Variants in GRAMD1B observed in about 807,000 individuals in gnomAD.
GRAMD1B encodes the protein GRAM domain containing 1B.
Under a neutral mutation model 99.7 loss-of-function variants are expected in GRAMD1B, and 37 were observed. The observed-to-expected ratio is 0.37, with a 90% confidence interval of 0.29 to 0.49. The LOEUF (loss-of-function observed/expected upper bound fraction) is 0.49, where lower values mean the gene tolerates loss of function less well. Ranked by LOEUF, GRAMD1B falls within the 20% of genes least tolerant of loss-of-function variation. The probability of loss-of-function intolerance (pLI) is 0.98; values close to 1 mark genes in which losing one functional copy is unlikely to be tolerated. For synonymous variants in GRAMD1B, 427 were observed against 387.6 expected, an observed-to-expected ratio of 1.10 and a Z score of -1.19; for missense variants, 888 against 1,009.2, an observed-to-expected ratio of 0.88 and a Z score of 1.63.
In GRAMD1B at chr11:123,462,891, TA is replaced by T. The variant is rs1022451957; in HGVS notation, c.375-17904del. Among the ~76,000 whole-genome samples the T allele has an allele frequency of 2.1e-3, 238 of 111,420 alleles. 2 individuals carry two copies. The highest frequency in any genetic ancestry group is 5.4e-3 in the Admixed American group (61 of 11,364). The allele number at this position is 111,420 out of a possible 152,430, so 73.1% of individuals were successfully genotyped here. On this transcript the variant is annotated intron_variant, in intron 1 of 19. Coordinates refer to ENST00000635736, the MANE Select transcript of GRAMD1B (RefSeq NM_001387025.1). ...AAGAATTATCAATAAAAAAATAAATTAAAAAAAAAAAAAAAAAAAAAGAAAT... is the reference window on the plus strand; with the variant it reads ...AAGAATTATCAATAAAAAAATAAATTAAAAAAAAAAAAAAAAAAAAGAAAT...
chr11:123,397,990 G>A (rs990957059), intron 1 of GRAMD1B, among the ~76,000 whole-genome samples: 1 of 152,050 alleles, frequency 6.6e-6, no homozygotes, highest in Non-Finnish European at 1.5e-5. Flanking sequence ...ACCTGTAGAC[G>A]GACTTTTGGA....
intron 1 of GRAMD1B, among the ~76,000 whole-genome samples, chr11:123,373,667 G>A (rs1214843595): frequency 6.6e-6 from 1 of 152,160 alleles, no homozygotes; most frequent in African/African-American, 2.4e-5. Flanking sequence ...GTGGGAGAAG[G>A]TTATTTGACT....
upstream of GRAMD1B, among the ~76,000 whole-genome samples, chr11:123,425,311 C>A (rs1244012884): frequency 6.6e-6 from 1 of 152,166 alleles, no homozygotes; most frequent in South Asian, 2.1e-4. Flanking sequence ...GCACATGCCA[C>A]CTGCTTTCCT....
rs190902598 is a variant in GRAMD1B, at chr11:123,545,199, C to T, written c.453-32168C>T. Among the ~76,000 whole-genome samples the T allele has an allele frequency of 4.1e-4, 62 of 152,360 alleles. No homozygotes were observed. In the East Asian group the frequency reaches 0.012, roughly 29 times the overall value. ...TTCAGTGAGGTGCCCGCATCAGTTT[C>T]TGTGCCCCAAGTGGGTGGGGTGAAG... On this transcript the variant is annotated intron_variant, in intron 2 of 19. Coordinates refer to ENST00000635736, the MANE Select transcript of GRAMD1B (RefSeq NM_001387025.1).
chr11:123,620,699 G>C lies in GRAMD1B; in HGVS notation c.2544+1475G>C, dbSNP rs570466155. 4.3e-4 allele frequency among the ~76,000 whole-genome samples: 65 copies of C among 152,244 alleles called. No homozygotes were observed. In the South Asian group the frequency reaches 0.013, roughly 30 times the overall value. On this transcript the variant is annotated intron_variant, in intron 19 of 19. Transcript: ENST00000635736. Reference sequence around the variant, plus strand: ...GGGAACACGAGGGTGAGGAGAACAGGGTGGCCTTCAGACACCCAGGCCAAC... The same window carrying C: ...GGGAACACGAGGGTGAGGAGAACAGCGTGGCCTTCAGACACCCAGGCCAAC...
At chr11:123,514,875 G>A (rs184368571) in intron 2 of GRAMD1B, among the ~76,000 whole-genome samples, 2 of 152,338 alleles carry the variant, frequency 1.3e-5, no homozygotes, top group African/African-American at 4.8e-5. Context: ...TAGACTGTGA[G>A]CTCCTTGAGG....
chr11:123,430,123 T>TCC (rs1248386190), upstream of GRAMD1B, among the ~76,000 whole-genome samples: 43 of 151,822 alleles, frequency 2.8e-4, no homozygotes, highest in African/African-American at 9.2e-4. Context: ...GGAGGTCGAG[T>TCC]CCCTCCCCGA....
At chr11:123,602,910 C>T (rs1001283379) in intron 8 of GRAMD1B, among the ~76,000 whole-genome samples, 2 of 152,160 alleles carry the variant, frequency 1.3e-5, no homozygotes, top group Admixed American at 6.5e-5. Flanking sequence ...ATGGAATGGG[C>T]CACCTTTGAG....
At chr11:123,381,777 T>G (rs1299107868) in intron 1 of GRAMD1B, among the ~76,000 whole-genome samples, 1 of 152,178 alleles carries the variant, frequency 6.6e-6, no homozygotes, top group Admixed American at 6.5e-5. Flanking sequence ...AATCCCATAC[T>G]TGAAAAAATT....
At chr11:123,597,874 G>C (rs1032199702) in intron 7 of GRAMD1B, 1 of 791,502 alleles carries the variant, frequency 1.3e-6, no homozygotes, top group Non-Finnish European at 2.3e-6. Flanking sequence ...GATTTGGTTG[G>C]GAGAAATAGA....
intron 1 of GRAMD1B, among the ~76,000 whole-genome samples, chr11:123,443,148 G>A (rs550706871): frequency 6.6e-6 from 1 of 152,298 alleles, no homozygotes; most frequent in African/African-American, 2.4e-5. Flanking sequence ...TTACCAAGGC[G>A]CTATTCAAGA....
At chr11:123,456,544 G>A (rs146337035) in intron 1 of GRAMD1B, among the ~76,000 whole-genome samples, 8,136 of 152,034 alleles carry the variant, frequency 0.054, 643 homozygotes, top group African/African-American at 0.16. Flanking sequence ...GGAGGCTGAG[G>A]CAGGCAGATC....
At chr11:123,402,339 G>A (rs1321809181) in intron 1 of GRAMD1B, among the ~76,000 whole-genome samples, 1 of 152,110 alleles carries the variant, frequency 6.6e-6, no homozygotes, top group Non-Finnish European at 1.5e-5. Flanking sequence ...CTTGCATTCT[G>A]CTTTCTGGTT....
chr11:123,466,149 G>A (rs1400802647), intron 1 of GRAMD1B, among the ~76,000 whole-genome samples: 4 of 151,860 alleles, frequency 2.6e-5, no homozygotes, highest in Non-Finnish European at 4.4e-5. Flanking sequence ...GGTGGTGGAC[G>A]CCTGTTATAT....
At chr11:123,621,105 C>T (rs1429087854) in intron 19 of GRAMD1B, among the ~76,000 whole-genome samples, 1 of 152,076 alleles carries the variant, frequency 6.6e-6, no homozygotes, top group Non-Finnish European at 1.5e-5. Context: ...TTAAAAGTAA[C>T]TTTTAAAATA....
chr11:123,624,877 T>A lies in GRAMD1B; in HGVS notation c.*2282T>A, dbSNP rs968194892. 6.6e-6 allele frequency: 1 copy of A among 152,204 alleles called. No homozygotes were observed. Among genetic ancestry groups the A allele is most frequent in the African/African-American group, 2.4e-5 (1 of 41,428 alleles). The allele number at this position is 152,204 out of a possible 1,614,324, so 9.4% of individuals were successfully genotyped here. On this transcript the variant is annotated 3_prime_UTR_variant, in exon 20 of 20. Transcript: ENST00000635736. ...CCGCAGGGAGTTGTTCTGCTTCTGC[T>A]TTACCTCTCAGGACCATTCCCAGGA...
At chr11:123,499,651 G>A (rs1341000266) in intron 2 of GRAMD1B, among the ~76,000 whole-genome samples, 1 of 152,156 alleles carries the variant, frequency 6.6e-6, no homozygotes, top group South Asian at 2.1e-4. Context: ...TCCTTAGTCT[G>A]AAGGTGAAGC....
intron 1 of GRAMD1B, among the ~76,000 whole-genome samples, chr11:123,455,815 C>G (rs1485146487): frequency 6.6e-6 from 1 of 152,128 alleles, no homozygotes; most frequent in African/African-American, 2.4e-5. Flanking sequence ...GAGCAGGGAC[C>G]TTTGCCCCAT....
At chr11:123,448,126 C>T (rs941547712) in intron 1 of GRAMD1B, among the ~76,000 whole-genome samples, 4 of 152,160 alleles carry the variant, frequency 2.6e-5, no homozygotes, top group African/African-American at 9.7e-5. Flanking sequence ...GCCTTGGCCT[C>T]CCAAAGTATT....
Sources: gnomAD v4.1 joint callset for allele counts (sites outside exome capture counted in the v4.1 genomes callset) on GRCh38, gnomAD v4.1.1 for gene constraint, MANE v1.5 for transcripts, NCBI Gene and HGNC (gene_info 2026-07-23, HGNC 2026-07-21) for gene names.